Variants in ZBTB7A observed in about 807,000 individuals in gnomAD.
The protein encoded by ZBTB7A is zinc finger and BTB domain containing 7A, also known as zinc finger and BTB domain-containing protein 7A.
A neutral mutation model predicts 26.7 loss-of-function variants in ZBTB7A; 7 were observed. That is an observed-to-expected ratio of 0.26 (90% CI 0.15 to 0.49). The LOEUF is 0.49. Ranked by LOEUF, ZBTB7A falls within the 20% of genes least tolerant of loss-of-function variation. The pLI is 0.98. For missense variants in ZBTB7A, 617 were observed against 919.5 expected (o/e 0.67, Z 4.25); for synonymous variants, 452 against 441.0 (o/e 1.02, Z -0.31).
At position 4,055,044 on chromosome 19, in the gene ZBTB7A, G is replaced by T; in HGVS notation, c.189C>A (p.Phe63Leu). 6.2e-7 allele frequency: 1 copy of T among 1,610,976 alleles called. No individual in the cohort carries two copies. Residue 63 changes from phenylalanine to leucine, a missense_variant, in exon 2 of 3, where the codon TTC becomes TTA. Physicochemically the swap from Phe to Leu is conservative, Grantham distance 22. Transcript: ENST00000322357. ...GCTGGTCCACCACGGCGCCCGACGT[G>T]AACAGCTTCTTGAAGTACTGGCTGC... ...AACSQYFKKLFTSGAVVDQQN... is the reference protein window; with the variant it reads ...AACSQYFKKLLTSGAVVDQQN...
chr19:4,054,219 G>T lies in ZBTB7A; in HGVS notation c.1014C>A (p.Asp338Glu). The T allele has an allele frequency of 6.3e-7, 1 of 1,585,932 alleles. No homozygotes were observed. The highest frequency in any genetic ancestry group is 8.5e-7 in the Non-Finnish European group (1 of 1,172,276). ...GRAGAAAGDS[D>E]EESRADDKGV... ...CCTTGTCGTCGGCCCGCGACTCCTC[G>T]TCGCTGTCCCCCGCCGCGGCCCCCG... The change falls in exon 2 of 3, where the codon GAC (aspartate) becomes GAA (glutamate). Residue 338 changes from aspartate (D) to glutamate (E), a missense_variant. Asp to Glu is a conservative substitution (Grantham distance 45). Transcript: ENST00000322357.
intron 1 of ZBTB7A, chr19:4,062,162 A>AGGTG (rs1754933759): frequency 6.6e-6 from 1 of 152,200 alleles, no homozygotes; most frequent in African/African-American, 2.4e-5. Flanking sequence ...GCATCCTGAT[A>AGGTG]GGTGGGATGG....
rs1455222033 is a variant in ZBTB7A at position 4,048,668 on chromosome 19, TAAAAAAACAAAAAAC to T, written c.1263-439_1263-425del. Among the ~76,000 whole-genome samples, 1,101 of 148,364 alleles carry T rather than the reference TAAAAAAACAAAAAAC, an allele frequency of 7.4e-3. 9 individuals are homozygous for T. Among genetic ancestry groups the T allele is most frequent in the African/African-American group, 0.022 (878 of 39,826 alleles). On this transcript the variant is annotated intron_variant, in intron 2 of 2. Transcript: ENST00000322357. The surrounding 1 kb of genome is among the most constrained non-coding windows in gnomAD (Gnocchi z 6.7). ...CGACACGGTGAAACCCTGTCTCTAC[TAAAAAAACAAAAAAC>T]AAAAAAACAAAAAACAAAAATCAGC...
At chr19:4,060,075 C>G (rs1204768499) in intron 1 of ZBTB7A, among the ~76,000 whole-genome samples, 1 of 152,134 alleles carries the variant, frequency 6.6e-6, no homozygotes, top group African/African-American at 2.4e-5. Context: ...ATCACAGCTC[C>G]TCCCCCGCGC....
chr19:4,056,266 GCCC>G (rs984793883), intron 1 of ZBTB7A, among the ~76,000 whole-genome samples: 11 of 152,236 alleles, frequency 7.2e-5, no homozygotes, highest in East Asian at 1.9e-4. Context: ...CAGGTTTCCT[GCCC>G]CCCATCAGCC....
At chr19:4,058,797 G>T (rs529280544) in intron 1 of ZBTB7A, among the ~76,000 whole-genome samples, 3 of 152,264 alleles carry the variant, frequency 2.0e-5, no homozygotes, top group African/African-American at 4.8e-5. Flanking sequence ...GGCCCTCAGC[G>T]CGGGGCCTGA....
chr19:4,049,289 G>A (rs1370293836), intron 2 of ZBTB7A, among the ~76,000 whole-genome samples: 3 of 143,456 alleles, frequency 2.1e-5, no homozygotes, highest in Non-Finnish European at 4.5e-5. Flanking sequence ...CTCTTGCCTC[G>A]GCCTCTCAAA....
At position 4,052,992 on chromosome 19, in the gene ZBTB7A, G is replaced by T. The variant is rs1047739381; in HGVS notation, c.1262+979C>A. ...ACCAGCAGACGCTTCATAAATGTTG[G>T]CTGATTGAAGCAAATGACCCAGGCT... On this transcript the variant is annotated intron_variant, in intron 2 of 2. Transcript: ENST00000322357. The surrounding 1 kb of genome is among the most constrained non-coding windows in gnomAD (Gnocchi z 4.9). 6.6e-6 allele frequency among the ~76,000 whole-genome samples: 1 copy of T among 152,176 alleles called. No homozygotes were observed. The highest frequency in any genetic ancestry group is 2.4e-5 in the African/African-American group (1 of 41,442).
chr19:4,064,892 G>A (rs1249482332), intron 1 of ZBTB7A, among the ~76,000 whole-genome samples: 1 of 152,056 alleles, frequency 6.6e-6, no homozygotes, highest in Non-Finnish European at 1.5e-5. Context: ...TGGGTGTCCG[G>A]GCCCGGGTGG....
At chr19:4,060,224 C>A (rs895331) in intron 1 of ZBTB7A, among the ~76,000 whole-genome samples, 130,931 of 152,158 alleles carry the variant, frequency 0.86, 57,852 homozygotes, top group East Asian at 0.95. Context: ...CCAACCCTCC[C>A]AGGGTGGCGC....
At chr19:4,064,065 C>T (rs2040665860) in intron 1 of ZBTB7A, among the ~76,000 whole-genome samples, 1 of 152,252 alleles carries the variant, frequency 6.6e-6, no homozygotes, top group African/African-American at 2.4e-5. Context: ...CCTTTCCGAC[C>T]AGGCCCCAGG....
In ZBTB7A at chr19:4,047,677, G is replaced by C. The variant is rs1412200129; in HGVS notation, c.*75C>G. ...TAGATTTTCTTTTTTTGTGTTTTTG[G>C]GGGGGTGGTGGGTGATTTTTTTTCT... On this transcript the variant is annotated 3_prime_UTR_variant, in exon 3 of 3. Coordinates refer to ENST00000322357, the MANE Select transcript of ZBTB7A (RefSeq NM_015898.4). 12 of 1,511,492 alleles carry C rather than the reference G, an allele frequency of 7.9e-6. No homozygotes were observed. Among genetic ancestry groups the C allele is most frequent in the African/African-American group, 1.4e-5 (1 of 69,714 alleles). The allele number at this position is 1,511,492 out of a possible 1,614,324, so 93.6% of individuals were successfully genotyped here. A position where few individuals can be genotyped will look rare whatever the true frequency, so the allele number is the denominator to read the frequency against.
rs1491139299 is a variant in ZBTB7A, at chr19:4,043,719, G to GC, written c.*4032_*4033insG. On this transcript the variant is annotated 3_prime_UTR_variant, in exon 3 of 3. Coordinates refer to ENST00000322357, the MANE Select transcript of ZBTB7A (RefSeq NM_015898.4). ...CTGGCCCCCTCCACCCCCTGGGCCC[G>GC]GCCCCCCCCCCCCCCCCCCGTAAAT... 2.5e-5 allele frequency among the ~76,000 whole-genome samples: 1 copy of GC among 39,810 alleles called. No individual in the cohort carries two copies. The highest frequency in any genetic ancestry group is 1.2e-3 in the South Asian group (1 of 818). 26.1% of individuals were successfully genotyped at this position (39,810 alleles called of 152,430 possible). A position where few individuals can be genotyped will look rare whatever the true frequency, so the allele number is the denominator to read the frequency against.
rs1407939975 is a variant in ZBTB7A, at chr19:4,052,709, G to A, written c.1262+1262C>T. Among the ~76,000 whole-genome samples, 2 of 151,352 alleles carry A rather than the reference G, an allele frequency of 1.3e-5. No homozygotes were observed. The highest frequency in any genetic ancestry group is 4.9e-5 in the African/African-American group (2 of 41,232). ...TGCCCCCACCGCTACAGCCCGCCCCGGATCTACGAGGCCCAGCCAGCCACC... is the reference window on the plus strand; with the variant it reads ...TGCCCCCACCGCTACAGCCCGCCCCAGATCTACGAGGCCCAGCCAGCCACC... On this transcript the variant is annotated intron_variant, in intron 2 of 2. Coordinates refer to ENST00000322357, the MANE Select transcript of ZBTB7A (RefSeq NM_015898.4). The surrounding 1 kb of genome is among the most constrained non-coding windows in gnomAD (Gnocchi z 4.9).
chr19:4,066,755 CG>C lies in ZBTB7A; in HGVS notation c.-90del. ...CTGGGCTCCCTCGGCCGCTCGCCTC[CG>C]GGGTCCGCGGCGCTCGCTCTGCCCG... On this transcript the variant is annotated 5_prime_UTR_variant, in exon 1 of 3. Transcript: ENST00000322357. 1 of 151,838 alleles carries C rather than the reference CG, an allele frequency of 6.6e-6. No homozygotes were observed. The highest frequency in any genetic ancestry group is 1.9e-4 in the South Asian group (1 of 5,214). 9.4% of individuals were successfully genotyped at this position (151,838 alleles called of 1,614,324 possible).
chr19:4,055,854 C>A (rs1172302154), intron 1 of ZBTB7A, among the ~76,000 whole-genome samples: 1 of 152,062 alleles, frequency 6.6e-6, no homozygotes, highest in Non-Finnish European at 1.5e-5. Context: ...AAACCCTGGC[C>A]TCAAATGATC....
At chr19:4,049,148 A>ATGTGTGTG (rs141419678) in intron 2 of ZBTB7A, among the ~76,000 whole-genome samples, 760 of 41,548 alleles carry the variant, frequency 0.018, 47 homozygotes, top group Non-Finnish European at 0.027. Flanking sequence ...ATTAAACTAT[A>ATGTGTGTG]TGTGTGTGTG....
chr19:4,052,057 G>A lies in ZBTB7A; in HGVS notation c.1262+1914C>T, dbSNP rs1937593203. On this transcript the variant is annotated intron_variant, in intron 2 of 2. Transcript: ENST00000322357. This position sits in a 1 kb window ranked among gnomAD's most constrained non-coding sequence, Gnocchi z 4.9. ...CAGAGCACGGGGTGGGGGAAAAGAGGAAGCAGGTGGGTCTAAATTGGGGTG... is the reference window on the plus strand; with the variant it reads ...CAGAGCACGGGGTGGGGGAAAAGAGAAAGCAGGTGGGTCTAAATTGGGGTG... 6.6e-6 allele frequency among the ~76,000 whole-genome samples: 1 copy of A among 152,118 alleles called. No individual in the cohort carries two copies. The highest frequency in any genetic ancestry group is 2.4e-5 in the African/African-American group (1 of 41,414).
chr19:4,064,377 A>G (rs2040669660), intron 1 of ZBTB7A, among the ~76,000 whole-genome samples: 2 of 152,134 alleles, frequency 1.3e-5, no homozygotes, highest in Non-Finnish European at 2.9e-5. Context: ...GGTGGTAAAC[A>G]GAGGCCCCGG....
Sources: gnomAD v4.1 joint callset for allele counts (sites outside exome capture counted in the v4.1 genomes callset) on GRCh38, gnomAD v4.1.1 for gene constraint, Gnocchi (gnomAD v3.1) non-coding constraint, MANE v1.5 for transcripts, NCBI Gene and HGNC (gene_info 2026-07-23, HGNC 2026-07-21) for gene names.